HNRNPU: variants seen among roughly 807,000 people sequenced by gnomAD.
The protein encoded by HNRNPU is HNRNPU antisense RNA 1.
HNRNPU carries 5 observed loss-of-function variants against 94.7 expected under a neutral mutation model. The observed-to-expected ratio is 0.05, with a 90% confidence interval of 0.03 to 0.11. HNRNPU has a LOEUF of 0.11. HNRNPU is among the 10% of genes least tolerant of loss of function. HNRNPU has a pLI of 1.00. For missense variants in HNRNPU, 710 were observed against 1,049.2 expected, an observed-to-expected ratio of 0.68 and a Z score of 4.47; for synonymous variants, 434 against 381.6, an observed-to-expected ratio of 1.14 and a Z score of -1.60.
chr1:244,864,335 G>A lies in HNRNPU; in HGVS notation c.-28C>T. 6.2e-7 allele frequency: 1 copy of A among 1,606,650 alleles called. No homozygotes were observed. The highest frequency in any genetic ancestry group is 1.3e-5 in the African/African-American group (1 of 74,396). On this transcript the variant is annotated 5_prime_UTR_variant, in exon 1 of 14. Transcript: ENST00000640218. ...TGAGGGCCCCGATTCACCGCTAGGCGCTGCCTCAAACTCGGCTCCGCTCAC... is the reference window on the plus strand; with the variant it reads ...TGAGGGCCCCGATTCACCGCTAGGCACTGCCTCAAACTCGGCTCCGCTCAC...
chr1:244,855,682 G>A, intron 11 of HNRNPU, 74 bp from the exon 12 acceptor site: 1 of 1,476,836 alleles, frequency 6.8e-7, no homozygotes, highest in African/African-American at 1.4e-5. Flanking sequence ...GATTCCTCTA[G>A]ATTGTTCCTT....
rs540601048 is a variant in HNRNPU at position 244,855,492 on chromosome 1, G to A, written c.2284C>T (p.Arg762Cys). The change falls in exon 12 of 14, where the codon CGT becomes TGT. Residue 762 changes from arginine to cysteine, a missense_variant. Physicochemically the swap from Arg to Cys is radical, Grantham distance 180. Coordinates refer to ENST00000640218, the MANE Select transcript of HNRNPU (RefSeq NM_031844.3). ...TTCCCTCTGTTTGAGTAACTACCAC[G>A]GCCAGGAAAAACAGGGGCACGAGGG... The part of the protein sequence containing the change: ...PYPRAPVFPG[R>C]GSYSNRGNYN... The A allele has an allele frequency of 1.5e-5, 25 of 1,613,780 alleles. No homozygotes were observed. The highest frequency in any genetic ancestry group is 2.0e-5 in the Non-Finnish European group (24 of 1,179,932).
chr1:244,856,351 G>T, intron 10 of HNRNPU, 106 bp downstream of exon 10: 1 of 1,274,166 alleles, frequency 7.8e-7, no homozygotes, highest in Non-Finnish European at 1.1e-6. Context: ...ACTTTCAGGA[G>T]GCCTAAGTCC....
chr1:244,863,900 C>T lies in HNRNPU; in HGVS notation c.408G>A (p.Gln136=), dbSNP rs1006239457. The T allele has an allele frequency of 1.2e-5, 19 of 1,613,850 alleles. No homozygotes were observed. Among genetic ancestry groups the T allele is most frequent in the Non-Finnish European group, 1.6e-5 (19 of 1,179,954 alleles). The stretch of plus-strand genomic sequence containing the variant: ...GCTCATCTTCCCCTTCCTGGAAACC[C>T]TGATCGTCGCCGTTCTCGTCTTCCG... ...AASEDENGDD[Q]GFQEGEDELG... Residue 136 remains glutamine (Q), a synonymous_variant, in exon 1 of 14, where the codon CAG becomes CAA. Coordinates refer to ENST00000640218, the MANE Select transcript of HNRNPU (RefSeq NM_031844.3).
intron 3 of HNRNPU, chr1:244,861,967 C>CT (rs1680842655): frequency 6.5e-6 from 1 of 152,944 alleles, no homozygotes; most frequent in Non-Finnish European, 1.5e-5. Flanking sequence ...GCAGCAGCTA[C>CT]TGAACTGGAA....
intron 1 of HNRNPU, among the ~76,000 whole-genome samples, chr1:244,863,296 GGGCTCCCTCCCGCCGCCCGCCCGC>G (rs1356214339): frequency 3.4e-5 from 5 of 148,024 alleles, no homozygotes; most frequent in Non-Finnish European, 7.5e-5. Flanking sequence ...CGGGCCGACC[GGGCTCCCTCCCGCCGCCCGCCCGC>G]GGCTCCTCCC....
chr1:244,859,167 A>T, intron 5 of HNRNPU, 108 bp downstream of exon 5: 1 of 645,786 alleles, frequency 1.5e-6, no homozygotes, highest in South Asian at 1.9e-5. Context: ...GTATTAACAG[A>T]ATAGATAAAA....
rs1200527042 is a variant in HNRNPU, at chr1:244,853,972, G to A, written c.*478C>T. 6.5e-6 allele frequency: 1 copy of A among 153,770 alleles called. No homozygotes were observed. Among genetic ancestry groups the A allele is most frequent in the East Asian group, 1.9e-4 (1 of 5,226 alleles). 9.5% of individuals were successfully genotyped at this position (153,770 alleles called of 1,614,324 possible). ...CCCAGCAAACTACAGAGAGGATGGA[G>A]TGTAATATGAGCAGTACAGAGTCTT... is the stretch of plus-strand genomic sequence containing the variant. On this transcript the variant is annotated 3_prime_UTR_variant, in exon 14 of 14. Transcript: ENST00000640218.
chr1:244,857,328 C>G (rs1464809253), intron 8 of HNRNPU: 3 of 327,534 alleles, frequency 9.2e-6, no homozygotes, highest in Non-Finnish European at 1.7e-5. Context: ...TCACTGCAAC[C>G]TCTGCCTCCC....
chr1:244,852,931 T>C lies in HNRNPU; in HGVS notation c.*1519A>G, dbSNP rs1680585592. On this transcript the variant is annotated 3_prime_UTR_variant, in exon 14 of 14. Coordinates refer to ENST00000640218, the MANE Select transcript of HNRNPU (RefSeq NM_031844.3). ...ATTAAAGTGTTCTGTGCAAACCCAA[T>C]ATAATTACAATTAGGGGATCTAATG... 1 of 152,588 alleles carries C rather than the reference T, an allele frequency of 6.6e-6. No homozygotes were observed. The highest frequency in any genetic ancestry group is 2.4e-5 in the African/African-American group (1 of 41,420). 9.5% of individuals were successfully genotyped at this position (152,588 alleles called of 1,614,324 possible). A position where few individuals can be genotyped will look rare whatever the true frequency, so the allele number is the denominator to read the frequency against.
At chr1:244,861,445 T>G (rs966971386) in intron 3 of HNRNPU, 1 of 152,248 alleles carries the variant, frequency 6.6e-6, no homozygotes, top group Admixed American at 6.5e-5. Context: ...AACTTTCACA[T>G]CAACTAACTC....
rs1306830745 is a variant in HNRNPU, at chr1:244,850,826, A to G, written c.*3624T>C. The G allele has an allele frequency of 6.6e-6, 1 of 152,228 alleles. No homozygotes were observed. Among genetic ancestry groups the G allele is most frequent in the East Asian group, 1.9e-4 (1 of 5,206 alleles). 9.4% of individuals were successfully genotyped at this position (152,228 alleles called of 1,614,324 possible). A position where few individuals can be genotyped will look rare whatever the true frequency, so the allele number is the denominator to read the frequency against. ...AGCTCCAGAATTAGGAATGAATGAC[A>G]AAGTTTAGACTCTAATCATTTTAAG... On this transcript the variant is annotated 3_prime_UTR_variant, in exon 14 of 14. Transcript: ENST00000640218.
Position 244,858,110 on chromosome 1 carries a change from T to C in HNRNPU, c.1395A>G (p.Pro465=), listed in dbSNP as rs761416400. The part of the protein sequence containing the change: ...VEFNFGQKEK[P]YFPIPEEYTF... Reference sequence around the variant, plus strand: ...TATACTCTTCAGGTATTGGAAAATATGGCTTTTCCTTCTGACCAAAATTAA... The same window carrying C: ...TATACTCTTCAGGTATTGGAAAATACGGCTTTTCCTTCTGACCAAAATTAA... Residue 465 remains proline, a synonymous_variant, in exon 7 of 14, where the codon CCA becomes CCG. Transcript: ENST00000640218. 1.2e-5 allele frequency: 20 copies of C among 1,614,118 alleles called. No individual in the cohort carries two copies. The highest frequency in any genetic ancestry group is 1.4e-5 in the Non-Finnish European group (17 of 1,179,952).
Position 244,857,449 on chromosome 1 carries a change from G to A in HNRNPU, c.1614+149C>T, listed in dbSNP as rs995030328. 22 of 756,248 alleles carry A rather than the reference G, an allele frequency of 2.9e-5. No homozygotes were observed. In the African/African-American group the frequency reaches 3.3e-4, roughly 11 times the overall value. The allele number at this position is 756,248 out of a possible 1,614,324, so 46.8% of individuals were successfully genotyped here. A position where few individuals can be genotyped will look rare whatever the true frequency, so the allele number is the denominator to read the frequency against. Reference sequence around the variant, plus strand: ...TTTAGTAGGAACGGGGCTTCGCCATGTTGGCCAGGTGGGTCTCAAACTCCT... The same window carrying A: ...TTTAGTAGGAACGGGGCTTCGCCATATTGGCCAGGTGGGTCTCAAACTCCT... On this transcript the variant is annotated intron_variant, in intron 8 of 13. Coordinates refer to ENST00000640218, the MANE Select transcript of HNRNPU (RefSeq NM_031844.3).
rs761107762 is a variant in HNRNPU at position 244,864,098 on chromosome 1, C to G, written c.210G>C (p.Ser70=). 20 of 1,596,270 alleles carry G rather than the reference C, an allele frequency of 1.3e-5. No homozygotes were observed. The highest frequency in any genetic ancestry group is 2.3e-5 in the East Asian group (1 of 43,930). ...CGGCCTCCTGCTCGAGGCCTGCTCC[C>G]GAGCGCCCAGCGGAATCCCCGCCCA... The part of the protein sequence containing the change: ...LDLGGDSAGR[S]GAGLEQEAAA... Residue 70 remains serine, a synonymous_variant, in exon 1 of 14, where the codon TCG becomes TCC. Coordinates refer to ENST00000640218, the MANE Select transcript of HNRNPU (RefSeq NM_031844.3).
intron 6 of HNRNPU, 131 bp from the exon 7 acceptor site, chr1:244,858,405 A>AG: frequency 1.3e-6 from 1 of 761,572 alleles, no homozygotes; most frequent in East Asian, 2.7e-5. Flanking sequence ...GTGGCCTTTA[A>AG]GGGCTACACA....
chr1:244,860,713 T>A, intron 3 of HNRNPU: 1 of 549,000 alleles, frequency 1.8e-6, no homozygotes, highest in Non-Finnish European at 3.2e-6. Flanking sequence ...TTAACATGTA[T>A]ATTTTAAGTA....
chr1:244,857,065 GAGCTCA>G (rs1680700144), intron 8 of HNRNPU: 3 of 431,564 alleles, frequency 7.0e-6, no homozygotes, highest in Non-Finnish European at 1.2e-5. Context: ...TAGATGTTAA[GAGCTCA>G]AAAACACTAC....
At chr1:244,862,875 A>C in intron 1 of HNRNPU, 145 bp from the exon 2 acceptor site, 1 of 681,680 alleles carries the variant, frequency 1.5e-6, no homozygotes, top group Admixed American at 2.4e-5. Context: ...TCAAAGAACA[A>C]TCAACTACGA....
Sources: allele counts gnomAD v4.1 joint callset (sites outside exome capture counted in the v4.1 genomes callset), GRCh38; gene constraint gnomAD v4.1.1; transcripts MANE v1.5; gene names NCBI Gene and HGNC (gene_info 2026-07-23, HGNC 2026-07-21).